PEBP4: variants seen among roughly 807,000 people sequenced by gnomAD.
PEBP4 encodes the protein phosphatidylethanolamine-binding protein 4.
A neutral mutation model predicts 23.9 loss-of-function variants in PEBP4; 22 were observed. The observed-to-expected ratio is 0.92, with a 90% confidence interval of 0.66 to 1.31. The LOEUF is 1.31. PEBP4 is among the 40% of genes most tolerant of loss of function. The pLI is 0.00. For synonymous variants in PEBP4, 112 were observed against 99.3 expected, an observed-to-expected ratio of 1.13 and a Z score of -0.76; for missense variants, 324 against 281.7, an observed-to-expected ratio of 1.15 and a Z score of -1.07.
intron 6 of PEBP4, among the ~76,000 whole-genome samples, chr8:22,717,845 C>G (rs996297258): frequency 4.6e-5 from 7 of 152,148 alleles, no homozygotes; most frequent in African/African-American, 1.7e-4. Flanking sequence ...ATAACCGCCC[C>G]ACAGAGAGCC....
chr8:22,820,691 G>A (rs1806840959), intron 3 of PEBP4, among the ~76,000 whole-genome samples: 1 of 152,160 alleles, frequency 6.6e-6, no homozygotes, highest in Non-Finnish European at 1.5e-5. Flanking sequence ...GCACTCTCTA[G>A]GTACTTGGTA....
chr8:22,756,486 C>T (rs963547066), intron 4 of PEBP4, among the ~76,000 whole-genome samples: 25 of 152,324 alleles, frequency 1.6e-4, no homozygotes, highest in African/African-American at 3.6e-4. Context: ...TGCATCTCTC[C>T]GCTTCCTCCC....
chr8:22,833,834 T>C (rs1278263344), intron 3 of PEBP4, among the ~76,000 whole-genome samples: 1 of 151,976 alleles, frequency 6.6e-6, no homozygotes, highest in African/African-American at 2.4e-5. Context: ...ATTGAAGGAG[T>C]CTGGAGTGGG....
chr8:22,918,700 G>A (rs1271647451), intron 3 of PEBP4, among the ~76,000 whole-genome samples: 1 of 152,322 alleles, frequency 6.6e-6, no homozygotes, highest in East Asian at 1.9e-4. Context: ...CAAACCCCAA[G>A]ACAAGTGAAT....
chr8:22,773,106 A>G (rs1298688463), intron 4 of PEBP4, among the ~76,000 whole-genome samples: 1 of 150,540 alleles, frequency 6.6e-6, no homozygotes, highest in Non-Finnish European at 1.5e-5. Flanking sequence ...TGTACTAATT[A>G]CCAACCTATT....
At chr8:22,920,464 A>C (rs1015215508) in intron 2 of PEBP4, among the ~76,000 whole-genome samples, 154 bp from the exon 3 acceptor site, 2 of 152,024 alleles carry the variant, frequency 1.3e-5, no homozygotes, top group African/African-American at 4.8e-5. Context: ...GAGTTACTTG[A>C]CCTCCTTGTG....
At chr8:22,725,997 A>ATGTGTGTG (rs1198943272) in intron 5 of PEBP4, among the ~76,000 whole-genome samples, 1 of 79,844 alleles carries the variant, frequency 1.3e-5, no homozygotes, top group Non-Finnish European at 2.9e-5. Flanking sequence ...CAGATCAGAT[A>ATGTGTGTG]TATGTGTGTG....
At chr8:22,910,815 A>G (rs1808921569) in intron 3 of PEBP4, among the ~76,000 whole-genome samples, 1 of 152,236 alleles carries the variant, frequency 6.6e-6, no homozygotes, top group Admixed American at 6.5e-5. Flanking sequence ...GGAGGCATGA[A>G]TAGGTGAAGC....
intron 3 of PEBP4, among the ~76,000 whole-genome samples, chr8:22,830,351 GC>G (rs953984783): frequency 6.6e-6 from 1 of 151,960 alleles, no homozygotes; most frequent in Non-Finnish European, 1.5e-5. Context: ...CACCATGTTG[GC>G]CAGGATGGTC....
chr8:22,792,772 T>C (rs2128757212), intron 4 of PEBP4, among the ~76,000 whole-genome samples: 1 of 152,036 alleles, frequency 6.6e-6, no homozygotes, highest in East Asian at 1.9e-4. Context: ...TAATCTGTAA[T>C]TGCAAGCAGA....
chr8:22,781,978 T>A (rs1805927250), intron 4 of PEBP4, among the ~76,000 whole-genome samples: 1 of 152,202 alleles, frequency 6.6e-6, no homozygotes, highest in African/African-American at 2.4e-5. Context: ...CTGACCTCAG[T>A]TCCCCCTCTT....
chr8:22,772,159 A>G (rs182650177), intron 4 of PEBP4, among the ~76,000 whole-genome samples: 2 of 152,372 alleles, frequency 1.3e-5, no homozygotes, highest in East Asian at 3.9e-4. Context: ...CCTTCACAAT[A>G]AATCTACAAA....
chr8:22,822,110 G>T (rs1329411779), intron 3 of PEBP4, among the ~76,000 whole-genome samples: 1 of 152,122 alleles, frequency 6.6e-6, no homozygotes, highest in Non-Finnish European at 1.5e-5. Context: ...AGTCATCAAG[G>T]CAGATGAGGG....
chr8:22,723,591 G>A (rs762329885), intron 6 of PEBP4, among the ~76,000 whole-genome samples: 2 of 152,206 alleles, frequency 1.3e-5, no homozygotes, highest in African/African-American at 2.4e-5. Context: ...TGGTGAGATC[G>A]GTAGCCAGGG....
At position 22,775,855 on chromosome 8, in the gene PEBP4, C is replaced by G. The variant is rs1805804961; in HGVS notation, c.357+41782G>C. Reference sequence around the variant, plus strand: ...AGTGGGCAGGAAGGATTGCCCGACTCCTTGGCTCTTGGGGGGGTTTCCCGT... The same window carrying G: ...AGTGGGCAGGAAGGATTGCCCGACTGCTTGGCTCTTGGGGGGGTTTCCCGT... On this transcript the variant is annotated intron_variant, in intron 4 of 6. Coordinates refer to ENST00000256404, the MANE Select transcript of PEBP4 (RefSeq NM_144962.3). This position sits in a 1 kb window ranked among gnomAD's most constrained non-coding sequence, Gnocchi z 4.8. Among the ~76,000 whole-genome samples the G allele has an allele frequency of 6.6e-6, 1 of 152,086 alleles. No homozygotes were observed. Among genetic ancestry groups the G allele is most frequent in the Non-Finnish European group, 1.5e-5 (1 of 68,020 alleles).
At chr8:22,731,953 G>A (rs1439798244) in intron 4 of PEBP4, among the ~76,000 whole-genome samples, 1 of 152,020 alleles carries the variant, frequency 6.6e-6, no homozygotes, top group East Asian at 1.9e-4. Context: ...GGGATTACAG[G>A]CGTGAGCCAC....
chr8:22,939,684 G>A (rs78456253), intron 1 of PEBP4, among the ~76,000 whole-genome samples: 4,680 of 151,724 alleles, frequency 0.031, 113 homozygotes, highest in African/African-American at 0.066. Flanking sequence ...GCAATGATGG[G>A]GCTGGCAAAG....
At chr8:22,782,410 C>A (rs1467126334) in intron 4 of PEBP4, among the ~76,000 whole-genome samples, 1 of 152,196 alleles carries the variant, frequency 6.6e-6, no homozygotes, top group East Asian at 1.9e-4. Flanking sequence ...GGTTCAAGTC[C>A]TTGAGAAACC....
chr8:22,753,860 T>C (rs1422892316), intron 4 of PEBP4, among the ~76,000 whole-genome samples: 1 of 152,200 alleles, frequency 6.6e-6, no homozygotes, highest in Non-Finnish European at 1.5e-5. Flanking sequence ...GGCTACCGCC[T>C]GGACAGCTGT....
Sources: gnomAD v4.1 joint callset for allele counts (sites outside exome capture counted in the v4.1 genomes callset) on GRCh38, gnomAD v4.1.1 for gene constraint, Gnocchi (gnomAD v3.1) non-coding constraint, MANE v1.5 for transcripts, NCBI Gene and HGNC (gene_info 2026-07-23, HGNC 2026-07-21) for gene names.